SLC22A23: variants seen among roughly 807,000 people sequenced by gnomAD.
SLC22A23 encodes the protein solute carrier family 22 member 23, also known as ion transporter protein.
SLC22A23 carries 26 observed loss-of-function variants against 61.0 expected under a neutral mutation model. The observed-to-expected ratio is 0.43, with a 90% CI of 0.31 to 0.59. SLC22A23 has a LOEUF of 0.59. Among genes scored for constraint, SLC22A23 ranks in the 20% least tolerant of loss-of-function variants. The probability of loss-of-function intolerance (pLI) is 0.11; values close to 1 mark genes in which losing one functional copy is unlikely to be tolerated. For synonymous variants in SLC22A23, 430 were observed against 413.9 expected (o/e 1.04, Z -0.47); for missense variants, 796 against 934.7 (o/e 0.85, Z 1.94).
At chr6:3,364,779 C>CA (rs1416684370) in intron 3 of SLC22A23, among the ~76,000 whole-genome samples, 2 of 152,124 alleles carry the variant, frequency 1.3e-5, no homozygotes, top group Non-Finnish European at 2.9e-5. Context: ...CCATCCGGGA[C>CA]GTGCAGGTTA....
At chr6:3,403,964 T>C (rs1004102433) in intron 3 of SLC22A23, among the ~76,000 whole-genome samples, 1 of 152,216 alleles carries the variant, frequency 6.6e-6, no homozygotes, top group African/African-American at 2.4e-5. Flanking sequence ...CTGTGGAGTC[T>C]GCAATCCAGC....
intron 1 of SLC22A23, among the ~76,000 whole-genome samples, chr6:3,434,862 A>G (rs1771105070): frequency 6.6e-6 from 1 of 152,188 alleles, no homozygotes; most frequent in Admixed American, 6.5e-5. Flanking sequence ...CCAAGAACTC[A>G]GAAAAGAGAT....
intron 9 of SLC22A23, among the ~76,000 whole-genome samples, chr6:3,280,015 G>C (rs777501110): frequency 6.6e-6 from 1 of 152,174 alleles, no homozygotes; most frequent in South Asian, 2.1e-4. Context: ...CCCGAGGCGA[G>C]GCTCCTGTTC....
chr6:3,289,618 A>C, intron 6 of SLC22A23, 146 bp downstream of exon 6: 2 of 661,748 alleles, frequency 3.0e-6, no homozygotes, highest in South Asian at 2.0e-5. Context: ...GGAGGTCAAT[A>C]TCTTCTAGCC....
chr6:3,312,060 G>A (rs932022062), intron 4 of SLC22A23: 2 of 152,230 alleles, frequency 1.3e-5, no homozygotes, highest in African/African-American at 2.4e-5. Context: ...CTGAATAAAT[G>A]AGCTTATGCT....
rs145126707 is a variant in SLC22A23 at position 3,312,377 on chromosome 6, G to A, written c.1082+11457C>T. On this transcript the variant is annotated intron_variant, in intron 4 of 9. Coordinates refer to ENST00000406686, the MANE Select transcript of SLC22A23 (RefSeq NM_015482.2). ...GCCTTCGAAATACAACGTGGTAGGGGGATTAATTTGGCAAATGACTTTTAA... is the reference window on the plus strand; with the variant it reads ...GCCTTCGAAATACAACGTGGTAGGGAGATTAATTTGGCAAATGACTTTTAA... The A allele has an allele frequency of 2.0e-4, 31 of 152,180 alleles. No homozygotes were observed. The East Asian group carries it at 5.0e-3, about 25-fold the overall frequency. 9.4% of individuals were successfully genotyped at this position (152,180 alleles called of 1,614,324 possible).
At chr6:3,273,551 C>T (rs534600280) in intron 9 of SLC22A23, 139 bp from the exon 10 acceptor site, 10 of 808,700 alleles carry the variant, frequency 1.2e-5, no homozygotes, top group Middle Eastern at 3.7e-4. Flanking sequence ...CGACCTCACA[C>T]GTCCCATGTC....
chr6:3,338,253 G>C (rs919443561), intron 3 of SLC22A23, among the ~76,000 whole-genome samples: 6 of 152,222 alleles, frequency 3.9e-5, no homozygotes, highest in African/African-American at 1.4e-4. Context: ...CATTTCTTCT[G>C]TGAGATTCCC....
intron 9 of SLC22A23, among the ~76,000 whole-genome samples, chr6:3,277,666 C>A (rs769358226): frequency 6.6e-6 from 1 of 152,224 alleles, no homozygotes; most frequent in African/African-American, 2.4e-5. Context: ...GGCTCCACTC[C>A]GTGTGCTGTC....
At chr6:3,277,687 G>A (rs1181736967) in intron 9 of SLC22A23, among the ~76,000 whole-genome samples, 5 of 152,200 alleles carry the variant, frequency 3.3e-5, no homozygotes, top group Admixed American at 2.0e-4. Context: ...CCCAGCACCT[G>A]CCCAGCCACT....
In SLC22A23 at chr6:3,455,963, G is replaced by T; in HGVS notation, c.597C>A (p.Asp199Glu). Residue 199 changes from aspartate to glutamate, a missense_variant, in exon 1 of 10, where the codon GAC becomes GAA. By Grantham distance (45) the Asp-to-Glu change is conservative. Coordinates refer to ENST00000406686, the MANE Select transcript of SLC22A23 (RefSeq NM_015482.2). Reference protein sequence around the residue: ...PDKGDNASNCDCRAWDYGIRA... With the variant: ...PDKGDNASNCECRAWDYGIRA... ...GGATGCCGTAGTCCCATGCGCGGCA[G>T]TCACAGTTGGAGGCGTTGTCCCCCT... The T allele has an allele frequency of 6.5e-7, 1 of 1,540,670 alleles. No individual in the cohort carries two copies.
At chr6:3,348,967 A>G (rs1764605720) in intron 3 of SLC22A23, among the ~76,000 whole-genome samples, 1 of 152,222 alleles carries the variant, frequency 6.6e-6, no homozygotes, top group Admixed American at 6.5e-5. Flanking sequence ...CACTCTGGAA[A>G]TAGTCATCTT....
chr6:3,448,274 A>C (rs1286513699), intron 1 of SLC22A23, among the ~76,000 whole-genome samples: 1 of 152,088 alleles, frequency 6.6e-6, no homozygotes, highest in Non-Finnish European at 1.5e-5. Flanking sequence ...GGCTCTATGA[A>C]GAAAAAAAAC....
chr6:3,428,699 T>G (rs1770663859), intron 1 of SLC22A23, among the ~76,000 whole-genome samples: 1 of 152,128 alleles, frequency 6.6e-6, no homozygotes, highest in Non-Finnish European at 1.5e-5. Flanking sequence ...AAATTAACGA[T>G]CCAATAAGGA....
Position 3,272,570 on chromosome 6 carries a change from C to T in SLC22A23, c.*485G>A, listed in dbSNP as rs1467209463. 1 of 152,918 alleles carries T rather than the reference C, an allele frequency of 6.5e-6. No homozygotes were observed. The highest frequency in any genetic ancestry group is 1.5e-5 in the Non-Finnish European group (1 of 68,232). 9.5% of individuals were successfully genotyped at this position (152,918 alleles called of 1,614,324 possible). A position where few individuals can be genotyped will look rare whatever the true frequency, so the allele number is the denominator to read the frequency against. ...AAAAGCCAAATTCATGTACATTTCA[C>T]TCCGTCTAAAATGCAGTCCCGGAAA... On this transcript the variant is annotated 3_prime_UTR_variant, in exon 10 of 10. Coordinates refer to ENST00000406686, the MANE Select transcript of SLC22A23 (RefSeq NM_015482.2).
At chr6:3,412,458 C>CTTCA (rs1769334838) in intron 2 of SLC22A23, among the ~76,000 whole-genome samples, 2 of 152,174 alleles carry the variant, frequency 1.3e-5, no homozygotes, top group African/African-American at 4.8e-5. Context: ...TGAACAAATG[C>CTTCA]TTCAGCAAGC....
At chr6:3,429,843 A>G (rs1770743031) in intron 1 of SLC22A23, among the ~76,000 whole-genome samples, 1 of 152,196 alleles carries the variant, frequency 6.6e-6, no homozygotes, top group Non-Finnish European at 1.5e-5. Flanking sequence ...AGGTGCCTGG[A>G]GTAGTTAAAT....
At chr6:3,405,135 C>T (rs1768718397) in intron 3 of SLC22A23, among the ~76,000 whole-genome samples, 1 of 151,890 alleles carries the variant, frequency 6.6e-6, no homozygotes, top group Non-Finnish European at 1.5e-5. Context: ...GTGGTGGGTG[C>T]CTGTAATCCT....
chr6:3,315,028 A>C lies in SLC22A23; in HGVS notation c.1082+8806T>G, dbSNP rs1163320062. Among the ~76,000 whole-genome samples the C allele has an allele frequency of 3.3e-5, 5 of 152,264 alleles. No individual in the cohort carries two copies. The East Asian group carries it at 9.6e-4, about 29-fold the overall frequency. Reference sequence around the variant, plus strand: ...CTGATTGCCAGCAGATCTTTCCTCTAATTCACCAGCTTCACACATTCAGCC... The same window carrying C: ...CTGATTGCCAGCAGATCTTTCCTCTCATTCACCAGCTTCACACATTCAGCC... On this transcript the variant is annotated intron_variant, in intron 4 of 9. Coordinates refer to ENST00000406686, the MANE Select transcript of SLC22A23 (RefSeq NM_015482.2).
Sources: allele counts gnomAD v4.1 joint callset (sites outside exome capture counted in the v4.1 genomes callset), GRCh38; gene constraint gnomAD v4.1.1; transcripts MANE v1.5; gene names NCBI Gene and HGNC (gene_info 2026-07-23, HGNC 2026-07-21).